The following MAPK10 variants were observed in gnomAD, a reference collection of about 807,000 sequenced individuals.
MAPK10 encodes mitogen-activated protein kinase 10.
MAPK10 carries 25 observed loss-of-function variants against 59.3 expected under a neutral mutation model. The observed-to-expected ratio is 0.42, with a 90% CI of 0.31 to 0.59. The LOEUF (loss-of-function observed/expected upper bound fraction) is 0.59, where lower values mean the gene tolerates loss of function less well. MAPK10 is among the 20% of genes least tolerant of loss of function. The pLI, the probability that MAPK10 is intolerant of heterozygous loss-of-function variation, is 0.15. For missense variants in MAPK10, 351 were observed against 568.9 expected, an observed-to-expected ratio of 0.62 and a Z score of 3.90; for synonymous variants, 190 against 200.5, an observed-to-expected ratio of 0.95 and a Z score of 0.44.
At chr4:86,222,414 G>T (rs1563265572) in intron 2 of MAPK10, among the ~76,000 whole-genome samples, 1 of 152,050 alleles carries the variant, frequency 6.6e-6, no homozygotes, top group Non-Finnish European at 1.5e-5. Flanking sequence ...TGGGCCCAAG[G>T]TTACTCCTCT....
chr4:86,064,236 G>A (rs973081551), intron 11 of MAPK10, 30 bp downstream of exon 11: 1 of 1,612,770 alleles, frequency 6.2e-7, no homozygotes, highest in Non-Finnish European at 8.5e-7. Context: ...TTTGTTTGTG[G>A]AAGCAAAGTA....
intron 2 of MAPK10, among the ~76,000 whole-genome samples, chr4:86,315,897 G>GAT (rs548094024): frequency 6.4e-4 from 98 of 152,188 alleles, no homozygotes; most frequent in Middle Eastern, 3.4e-3. Flanking sequence ...ATACTTCTGA[G>GAT]ATATATAGAA....
At chr4:86,404,967 A>T (rs6817640) in intron 1 of MAPK10, among the ~76,000 whole-genome samples, 28,535 of 152,198 alleles carry the variant, frequency 0.19, 2,770 homozygotes, top group South Asian at 0.28. Flanking sequence ...TCTACTTCAC[A>T]GAATGATTTA....
At chr4:86,467,754 G>A (rs902445643) in intron 1 of MAPK10, among the ~76,000 whole-genome samples, 9 of 152,146 alleles carry the variant, frequency 5.9e-5, no homozygotes, top group South Asian at 4.1e-4. Context: ...TCTTGACCTC[G>A]TGATCCGCGC....
chr4:86,017,027 T>C lies in MAPK10; in HGVS notation c.*201A>G, dbSNP rs3527. 7.2e-4 allele frequency: 368 copies of C among 513,524 alleles called. 6 individuals carry two copies. In the East Asian group the frequency reaches 8.8e-3, roughly 12 times the overall value. 31.8% of individuals were successfully genotyped at this position (513,524 alleles called of 1,614,324 possible). On this transcript the variant is annotated 3_prime_UTR_variant, in exon 14 of 14. Coordinates refer to ENST00000641462, the MANE Select transcript of MAPK10 (RefSeq NM_138982.4). This position sits in a 1 kb window ranked among gnomAD's most constrained non-coding sequence, Gnocchi z 4.4. ...AGCAAGAGCAACTAGAAGTTAAATA[T>C]ACATTTGAGCTTAGCTGCAATACAG...
chr4:86,052,810 A>G (rs1165123469), intron 11 of MAPK10, among the ~76,000 whole-genome samples: 1 of 151,892 alleles, frequency 6.6e-6, no homozygotes, highest in African/African-American at 2.4e-5. Context: ...TTCTCCCACC[A>G]CAGCCTCCCA....
At chr4:86,472,398 T>C (rs1162952861) in intron 1 of MAPK10, among the ~76,000 whole-genome samples, 3 of 151,956 alleles carry the variant, frequency 2.0e-5, no homozygotes, top group Non-Finnish European at 4.4e-5. Context: ...ATTCACACAA[T>C]AAGGTTTAAA....
chr4:86,056,265 T>G lies in MAPK10; in HGVS notation c.1110+8001A>C, dbSNP rs759586601. Among the ~76,000 whole-genome samples, 6 of 150,228 alleles carry G rather than the reference T, an allele frequency of 4.0e-5. 1 individual carries two copies. Among genetic ancestry groups the G allele is most frequent in the Non-Finnish European group, 8.9e-5 (6 of 67,612 alleles). ...GGATTATAAAATATTTGAAGCAAAC[T>G]TATGCATATTTTATTCAATGGTTTA... On this transcript the variant is annotated intron_variant, in intron 11 of 13. Transcript: ENST00000641462.
intron 2 of MAPK10, among the ~76,000 whole-genome samples, chr4:86,305,378 T>A (rs1400457907): frequency 6.6e-6 from 1 of 152,200 alleles, no homozygotes; most frequent in Non-Finnish European, 1.5e-5. Context: ...AAAGCTTATG[T>A]TTCCATTATG....
chr4:86,334,761 A>C (rs35022866), intron 2 of MAPK10, among the ~76,000 whole-genome samples: 108,267 of 151,400 alleles, frequency 0.72, 39,446 homozygotes, highest in South Asian at 0.9. Context: ...AAACAACAAA[A>C]AAAAAAACTA....
chr4:86,488,244 G>T (rs1671863623), intron 1 of MAPK10, among the ~76,000 whole-genome samples: 1 of 152,070 alleles, frequency 6.6e-6, no homozygotes, highest in South Asian at 2.1e-4. Context: ...AGTAATATTG[G>T]CCACAGACAT....
At chr4:86,447,106 C>T (rs1271642469) in intron 1 of MAPK10, among the ~76,000 whole-genome samples, 1 of 152,124 alleles carries the variant, frequency 6.6e-6, no homozygotes, top group Non-Finnish European at 1.5e-5. Context: ...TGTATCACCA[C>T]CCAAATCTTA....
intron 1 of MAPK10, among the ~76,000 whole-genome samples, chr4:86,551,596 G>C (rs1453436788): frequency 3.1e-5 from 4 of 128,580 alleles, no homozygotes; most frequent in South Asian, 2.4e-4. Context: ...CTCTCTCTCT[G>C]TCTCTCTTTC....
At chr4:86,330,333 C>T in intron 2 of MAPK10, among the ~76,000 whole-genome samples, 1 of 152,158 alleles carries the variant, frequency 6.6e-6, no homozygotes, top group East Asian at 1.9e-4. Context: ...CAAATTTTAT[C>T]TTTGTCATTA....
intron 4 of MAPK10, among the ~76,000 whole-genome samples, chr4:86,119,150 A>C (rs1383102133): frequency 6.6e-6 from 1 of 152,220 alleles, no homozygotes; most frequent in East Asian, 1.9e-4. Flanking sequence ...CAGAATTCTG[A>C]ATAATAATAA....
intron 2 of MAPK10, among the ~76,000 whole-genome samples, chr4:86,249,930 G>A (rs925735506): frequency 6.6e-6 from 1 of 152,074 alleles, no homozygotes; most frequent in Non-Finnish European, 1.5e-5. Context: ...GAACCATCCT[G>A]AGAATGGGAA....
chr4:86,171,185 A>T (rs1015118550), intron 3 of MAPK10: 60 of 151,890 alleles, frequency 4.0e-4, no homozygotes, highest in African/African-American at 1.4e-3. Flanking sequence ...AAGAGCAAAC[A>T]CATTCAAAAG....
At chr4:86,222,876 G>C (rs550814935) in intron 2 of MAPK10, among the ~76,000 whole-genome samples, 3 of 152,292 alleles carry the variant, frequency 2.0e-5, no homozygotes, top group East Asian at 1.9e-4. Context: ...CCTCTAAGGA[G>C]AGTCAGTTCA....
chr4:86,547,405 C>T (rs1380593721), intron 1 of MAPK10, among the ~76,000 whole-genome samples: 1 of 152,210 alleles, frequency 6.6e-6, no homozygotes, highest in African/African-American at 2.4e-5. Flanking sequence ...GTCGGCCGGC[C>T]CCACCGCCCG....
Sources: gnomAD v4.1 joint callset for allele counts (sites outside exome capture counted in the v4.1 genomes callset) on GRCh38, gnomAD v4.1.1 for gene constraint, Gnocchi (gnomAD v3.1) non-coding constraint, MANE v1.5 for transcripts, NCBI Gene and HGNC (gene_info 2026-07-23, HGNC 2026-07-21) for gene names.